Variants in MED12L observed in about 807,000 individuals in gnomAD.
The protein encoded by MED12L is mediator complex subunit 12L.
In MED12L, 60 loss-of-function variants were observed where a neutral mutation model predicts 281.3. That is an observed-to-expected ratio of 0.21 (90% CI 0.17 to 0.26). MED12L has a LOEUF of 0.26. MED12L is among the 10% of genes least tolerant of loss of function. The pLI, the probability that MED12L is intolerant of heterozygous loss-of-function variation, is 1.00. For synonymous variants in MED12L, 974 were observed against 987.2 expected (o/e 0.99, Z 0.25); for missense variants, 2,146 against 2,680.9 (o/e 0.80, Z 4.41).
intron 16 of MED12L, among the ~76,000 whole-genome samples, chr3:151,318,670 TTAG>T (rs1019400189): frequency 4.6e-5 from 7 of 152,248 alleles, no homozygotes; most frequent in Admixed American, 4.6e-4. Flanking sequence ...GTATAAAATC[TTAG>T]TAGGGAGCTT....
At chr3:151,385,002 A>T (rs982752602) in intron 35 of MED12L, 28 bp from the exon 36 acceptor site, 19 of 1,150,770 alleles carry the variant, frequency 1.7e-5, no homozygotes, top group South Asian at 5.2e-5. Flanking sequence ...CCCACTTCTC[A>T]CTCTCTCTCT....
intron 16 of MED12L, chr3:151,294,627 C>T: frequency 6.2e-7 from 1 of 1,614,194 alleles, no homozygotes; most frequent in Non-Finnish European, 8.5e-7. Context: ...ACATAGGTGA[C>T]TGCCGTATGC....
At chr3:151,294,645 C>A (rs1744814513) in intron 16 of MED12L, 3 of 1,614,126 alleles carry the variant, frequency 1.9e-6, no homozygotes, top group East Asian at 2.2e-5. Flanking sequence ...TGCCATTTGA[C>A]CCCCAAAGGA....
Position 151,430,367 on chromosome 3 carries a change from G to A in MED12L, c.6477G>A (p.Gln2159=). ...CGGCCGCCTTGGTGCGGCAGCTCCA[G>A]AAGCAGCTTTCCAGTAAGTACCCCT... ...QQTAALVRQL[Q]KQLSSNQPQQ... Residue 2159 remains glutamine, a synonymous_variant, in exon 44 of 45, where the codon CAG becomes CAA. Coordinates refer to ENST00000687756, the MANE Select transcript of MED12L (RefSeq NM_001393769.1). 6.2e-7 allele frequency: 1 copy of A among 1,614,118 alleles called. No homozygotes were observed. The highest frequency in any genetic ancestry group is 8.5e-7 in the Non-Finnish European group (1 of 1,179,994).
At chr3:151,213,962 T>C in intron 16 of MED12L, 1 of 1,614,092 alleles carries the variant, frequency 6.2e-7, no homozygotes, top group Non-Finnish European at 8.5e-7. Flanking sequence ...TTATAATATC[T>C]GTCAAAGCTG....
chr3:151,174,588 C>T (rs1049542850), intron 11 of MED12L, among the ~76,000 whole-genome samples: 9 of 152,178 alleles, frequency 5.9e-5, no homozygotes, highest in African/African-American at 2.2e-4. Flanking sequence ...GTCACAAGAC[C>T]TAAAGACTAT....
In MED12L at chr3:151,435,227, A is replaced by AAATC. The variant is rs1179980945; in HGVS notation, c.*2426_*2429dup. 7.6e-6 allele frequency: 1 copy of AAATC among 132,400 alleles called. No homozygotes were observed. The allele number at this position is 132,400 out of a possible 1,614,324, so 8.2% of individuals were successfully genotyped here. ...AGCTCCCCTTAAAGACAAGACCTTG[A>AAATC]AATCAAATGGAGTCAGCTATACCTA... On this transcript the variant is annotated 3_prime_UTR_variant, in exon 45 of 45. Transcript: ENST00000687756.
chr3:151,180,658 A>G (rs1027805144), intron 11 of MED12L, among the ~76,000 whole-genome samples: 9 of 152,170 alleles, frequency 5.9e-5, no homozygotes, highest in East Asian at 1.9e-4. Context: ...GTGCTTTTCT[A>G]TGCATCTCTA....
intron 16 of MED12L, among the ~76,000 whole-genome samples, chr3:151,335,750 T>C (rs1224119970): frequency 6.6e-6 from 1 of 152,238 alleles, no homozygotes; most frequent in Non-Finnish European, 1.5e-5. Context: ...TTTAGTTTGA[T>C]GTAGTATATG....
At chr3:151,361,119 G>A (rs1333524920) in intron 21 of MED12L, among the ~76,000 whole-genome samples, 1 of 152,022 alleles carries the variant, frequency 6.6e-6, no homozygotes, top group Non-Finnish European at 1.5e-5. Flanking sequence ...ACTTGGATTA[G>A]CTTTAATATC....
rs1559992069 is a variant in MED12L, at chr3:151,293,668, CA to C, written c.2251-56390del. Reference sequence around the variant, plus strand: ...ACACACACACACACACACACACACACACACACACACCCTCTACCTTCATTTC... The same window carrying C: ...ACACACACACACACACACACACACACCACACACACCCTCTACCTTCATTTC... On this transcript the variant is annotated intron_variant, in intron 16 of 44. Transcript: ENST00000687756. 2.7e-3 allele frequency among the ~76,000 whole-genome samples: 389 copies of C among 146,586 alleles called. 5 individuals are homozygous for C. Among genetic ancestry groups the C allele is most frequent in the African/African-American group, 9.2e-3 (361 of 39,104 alleles).
At chr3:151,298,381 C>T (rs1464351518) in intron 16 of MED12L, among the ~76,000 whole-genome samples, 1 of 152,162 alleles carries the variant, frequency 6.6e-6, no homozygotes, top group Non-Finnish European at 1.5e-5. Context: ...AAATTAGAAG[C>T]TGTTTTACAG....
chr3:151,277,053 C>T (rs751337639), intron 16 of MED12L, among the ~76,000 whole-genome samples: 11 of 151,990 alleles, frequency 7.2e-5, no homozygotes, highest in Non-Finnish European at 1.0e-4. Context: ...TGCACCACTA[C>T]CACCCAGCTA....
At chr3:151,316,195 G>GTC (rs1748209013) in intron 16 of MED12L, among the ~76,000 whole-genome samples, 1 of 151,776 alleles carries the variant, frequency 6.6e-6, no homozygotes, top group Non-Finnish European at 1.5e-5. Flanking sequence ...AAAAATCTTT[G>GTC]TCTCTCTCTT....
At position 151,245,249 on chromosome 3, in the gene MED12L, A is replaced by T. The variant is rs571900731; in HGVS notation, c.2250+51583A>T. ...ACTCCAATCAATAGAAAAAGAGGGA[A>T]TCCTCCCTAACTCATTTTATGAGGC... On this transcript the variant is annotated intron_variant, in intron 16 of 44. Coordinates refer to ENST00000687756, the MANE Select transcript of MED12L (RefSeq NM_001393769.1). Among the ~76,000 whole-genome samples the T allele has an allele frequency of 3.3e-5, 5 of 152,318 alleles. No homozygotes were observed. In the South Asian group the frequency reaches 1.0e-3, roughly 32 times the overall value.
chr3:151,227,125 A>G (rs1397425018), intron 16 of MED12L, among the ~76,000 whole-genome samples: 2 of 152,236 alleles, frequency 1.3e-5, no homozygotes, highest in African/African-American at 2.4e-5. Flanking sequence ...TTCAGTTAGA[A>G]TCCAGGTCAG....
chr3:151,121,095 G>A (rs904199082), intron 3 of MED12L, among the ~76,000 whole-genome samples: 1 of 152,158 alleles, frequency 6.6e-6, no homozygotes, highest in African/African-American at 2.4e-5. Context: ...CCTTTTGAAT[G>A]TATAGCAATC....
intron 16 of MED12L, chr3:151,338,999 C>A: frequency 1.4e-6 from 1 of 712,872 alleles, no homozygotes; most frequent in South Asian, 1.6e-5. Context: ...AGTATGAACA[C>A]AGAAAACTGA....
chr3:151,326,206 T>A (rs1334003669), intron 16 of MED12L: 5 of 152,590 alleles, frequency 3.3e-5, no homozygotes, highest in Non-Finnish European at 7.4e-5. Flanking sequence ...TGGACAGAGC[T>A]TGAGCTTTCA....
Sources: gnomAD v4.1 joint callset for allele counts (sites outside exome capture counted in the v4.1 genomes callset) on GRCh38, gnomAD v4.1.1 for gene constraint, MANE v1.5 for transcripts, NCBI Gene and HGNC (gene_info 2026-07-23, HGNC 2026-07-21) for gene names.